The following CNTN4 variants were observed in gnomAD, a reference collection of about 807,000 sequenced individuals.
CNTN4 encodes the protein contactin 4, also known as contactin-4.
Under a neutral mutation model 122.5 loss-of-function variants are expected in CNTN4, and 77 were observed. The observed-to-expected ratio is 0.63, with a 90% CI of 0.52 to 0.76. The LOEUF (loss-of-function observed/expected upper bound fraction) is 0.76, where lower values mean the gene tolerates loss of function less well. Among genes scored for constraint, CNTN4 ranks in the 30% least tolerant of loss-of-function variants. CNTN4 has a pLI of 0.00. For missense variants in CNTN4, 1,256 were observed against 1,259.1 expected (o/e 1.00, Z 0.04); for synonymous variants, 512 against 447.0 (o/e 1.15, Z -1.83).
intron 2 of CNTN4, among the ~76,000 whole-genome samples, chr3:2,172,697 G>A: frequency 6.6e-6 from 1 of 152,216 alleles, no homozygotes; most frequent in Admixed American, 6.5e-5. Context: ...AGTGGTTGAT[G>A]TCCATCAGGA....
chr3:2,666,829 G>A (rs945012886), intron 4 of CNTN4, among the ~76,000 whole-genome samples: 3 of 146,984 alleles, frequency 2.0e-5, no homozygotes, highest in East Asian at 2.0e-4. Flanking sequence ...CTATGAGTGC[G>A]AACACACGGT....
intron 6 of CNTN4, among the ~76,000 whole-genome samples, chr3:2,771,261 C>A (rs542211174): frequency 2.0e-5 from 3 of 152,314 alleles, no homozygotes; most frequent in African/African-American, 7.2e-5. Flanking sequence ...AAGTTTAGAG[C>A]CACATTGCAT....
intron 2 of CNTN4, among the ~76,000 whole-genome samples, chr3:2,134,318 C>T (rs367557746): frequency 1.3e-5 from 2 of 152,268 alleles, no homozygotes; most frequent in Admixed American, 6.5e-5. Flanking sequence ...GTGTGCTGAA[C>T]GAGTCTCCTA....
At chr3:2,524,931 C>G (rs969982065) in intron 3 of CNTN4, among the ~76,000 whole-genome samples, 1 of 152,118 alleles carries the variant, frequency 6.6e-6, no homozygotes, top group African/African-American at 2.4e-5. Flanking sequence ...ACATAGAACA[C>G]TGTAGGGAAA....
chr3:2,541,810 C>T lies in CNTN4; in HGVS notation c.-88-29606C>T, dbSNP rs562372253. 6.6e-5 allele frequency among the ~76,000 whole-genome samples: 10 copies of T among 152,192 alleles called. No individual in the cohort carries two copies. In the East Asian group the frequency reaches 1.9e-3, roughly 29 times the overall value. On this transcript the variant is annotated intron_variant, in intron 3 of 24. Transcript: ENST00000418658. ...GTGCCACTGTGTTGGAGGCCTTCTT[C>T]AACTCTTAATTAGCTTGCTATGAGT...
chr3:2,443,196 G>A (rs1255238671), intron 3 of CNTN4, among the ~76,000 whole-genome samples: 2 of 151,668 alleles, frequency 1.3e-5, no homozygotes, highest in Admixed American at 1.3e-4. Context: ...AGAGGGATAA[G>A]TTTTAAAGGA....
chr3:2,926,937 A>G (rs966264480), intron 13 of CNTN4, among the ~76,000 whole-genome samples: 2 of 152,186 alleles, frequency 1.3e-5, no homozygotes, highest in African/African-American at 2.4e-5. Context: ...TCAATAGCAT[A>G]ATTGCTTATT....
chr3:2,766,598 AAG>A (rs1026349664), intron 6 of CNTN4, among the ~76,000 whole-genome samples: 1 of 152,138 alleles, frequency 6.6e-6, no homozygotes, highest in Non-Finnish European at 1.5e-5. Flanking sequence ...GCGGCGGGGA[AAG>A]GTGGGAAGAG....
intron 7 of CNTN4, among the ~76,000 whole-genome samples, chr3:2,834,115 G>T (rs2093163497): frequency 6.6e-6 from 1 of 152,102 alleles, no homozygotes; most frequent in South Asian, 2.1e-4. Context: ...CTGCTCTCCA[G>T]CCTGGGCAAC....
chr3:2,238,562 G>A (rs2149589404), intron 2 of CNTN4, among the ~76,000 whole-genome samples: 1 of 151,654 alleles, frequency 6.6e-6, no homozygotes, highest in Non-Finnish European at 1.5e-5. Flanking sequence ...TGTATTTAAT[G>A]CTTTCCCTTC....
chr3:2,451,490 A>AT lies in CNTN4; in HGVS notation c.-89+112257_-89+112258insT, dbSNP rs1553653326. ...AAGACAACCCCAGAGGGTTGAAATC[A>AT]GTTTTTTTTGTACTAAACTGGTTAT... On this transcript the variant is annotated intron_variant, in intron 3 of 24. Transcript: ENST00000418658. Among the ~76,000 whole-genome samples, 33 of 149,048 alleles carry AT rather than the reference A, an allele frequency of 2.2e-4. No individual in the cohort carries two copies. The South Asian group carries it at 3.4e-3, about 15-fold the overall frequency.
At chr3:2,407,712 C>T (rs2047089358) in intron 3 of CNTN4, among the ~76,000 whole-genome samples, 2 of 152,098 alleles carry the variant, frequency 1.3e-5, no homozygotes, top group African/African-American at 4.8e-5. Flanking sequence ...CCAAATGCGT[C>T]AAAATGTCGT....
At chr3:2,288,723 T>A (rs2042030244) in intron 2 of CNTN4, among the ~76,000 whole-genome samples, 1 of 152,054 alleles carries the variant, frequency 6.6e-6, no homozygotes, top group Non-Finnish European at 1.5e-5. Context: ...ATCAAATAAG[T>A]GGAAGGATTG....
At chr3:2,944,727 A>C (rs553812977) in intron 13 of CNTN4, among the ~76,000 whole-genome samples, 6 of 152,318 alleles carry the variant, frequency 3.9e-5, no homozygotes, top group Admixed American at 1.3e-4. Flanking sequence ...ACCTTGTCTA[A>C]GGCTACTGCT....
chr3:2,829,620 A>G (rs747808001), intron 7 of CNTN4, among the ~76,000 whole-genome samples: 5 of 152,238 alleles, frequency 3.3e-5, no homozygotes, highest in Admixed American at 6.5e-5. Flanking sequence ...TGCTACTGAC[A>G]TACTTTTTGC....
chr3:2,210,210 TGATA>T lies in CNTN4; in HGVS notation c.-145+109575_-145+109578del, dbSNP rs1337295867. Among the ~76,000 whole-genome samples, 6 of 152,258 alleles carry T rather than the reference TGATA, an allele frequency of 3.9e-5. No individual in the cohort carries two copies. In the East Asian group the frequency reaches 1.2e-3, roughly 29 times the overall value. ...GTGAAGCTGATTTTAAAAAATGATA[TGATA>T]GATCTGTATTTACCTACATGAAAAG... is the stretch of plus-strand genomic sequence containing the variant. On this transcript the variant is annotated intron_variant, in intron 2 of 24. Coordinates refer to ENST00000418658, the MANE Select transcript of CNTN4 (RefSeq NM_175607.3).
At chr3:2,101,738 G>T (rs571344160) in intron 2 of CNTN4, among the ~76,000 whole-genome samples, 1 of 151,670 alleles carries the variant, frequency 6.6e-6, no homozygotes, top group South Asian at 2.1e-4. Context: ...GCTGTTATAT[G>T]ATACACTACT....
At chr3:2,674,002 G>A (rs929333851) in intron 4 of CNTN4, among the ~76,000 whole-genome samples, 2 of 152,194 alleles carry the variant, frequency 1.3e-5, no homozygotes, top group African/African-American at 4.8e-5. Flanking sequence ...CCAACTGCCA[G>A]ACATTTCAGT....
chr3:3,035,237 G>A (rs1699501329), intron 17 of CNTN4, among the ~76,000 whole-genome samples: 2 of 150,888 alleles, frequency 1.3e-5, no homozygotes, highest in South Asian at 4.2e-4. Context: ...GAGCCCAGGA[G>A]GTAGAGGTTG....
Sources: gnomAD v4.1 joint callset for allele counts (sites outside exome capture counted in the v4.1 genomes callset) on GRCh38, gnomAD v4.1.1 for gene constraint, MANE v1.5 for transcripts, NCBI Gene and HGNC (gene_info 2026-07-23, HGNC 2026-07-21) for gene names.